IGFL2: variants seen among roughly 807,000 people sequenced by gnomAD.
The protein encoded by IGFL2 is insulin growth factor-like family member 2.
In IGFL2, 7 loss-of-function variants were observed where a neutral mutation model predicts 13.9. That is an observed-to-expected ratio of 0.51 (90% CI 0.29 to 0.95). The LOEUF (loss-of-function observed/expected upper bound fraction) is 0.95. IGFL2 is among the 40% of genes least tolerant of loss of function. The pLI is 0.08. For synonymous variants in IGFL2, 55 were observed against 55.8 expected (o/e 0.99, Z 0.07); for missense variants, 138 against 147.8 (o/e 0.93, Z 0.34).
the IGFL2 span, among the ~76,000 whole-genome samples, chr19:46,115,954 C>T: frequency 2.0e-5 from 3 of 152,086 alleles, no homozygotes; most frequent in East Asian, 1.9e-4. Context: ...CTTGCTCTGC[C>T]GCCTGTGTGA....
At chr19:46,091,477 T>C in the IGFL2 span, among the ~76,000 whole-genome samples, 2 of 152,256 alleles carry the variant, frequency 1.3e-5, no homozygotes, top group Non-Finnish European at 2.9e-5. Flanking sequence ...ATACAAATTA[T>C]TCTGTTAGAA....
chr19:46,118,808 C>T, the IGFL2 span, among the ~76,000 whole-genome samples: 1 of 152,162 alleles, frequency 6.6e-6, no homozygotes, highest in Non-Finnish European at 1.5e-5. Flanking sequence ...CCCATAGCTT[C>T]TTGCCCATGC....
the IGFL2 span, among the ~76,000 whole-genome samples, chr19:46,118,581 G>T: frequency 2.0e-5 from 3 of 152,196 alleles, no homozygotes; most frequent in African/African-American, 7.2e-5. Context: ...TCCAGAAAGG[G>T]AACCCCCACA....
At chr19:46,184,259 TTTTTC>T in the IGFL2 span, among the ~76,000 whole-genome samples, 2 of 84,376 alleles carry the variant, frequency 2.4e-5, no homozygotes, top group Non-Finnish European at 6.9e-5. Context: ...ACTGCTTTCC[TTTTTC>T]TTTTTTTTTT....
At chr19:46,179,424 G>C in the IGFL2 span, 1 of 154,130 alleles carries the variant, frequency 6.5e-6, no homozygotes, top group Non-Finnish European at 1.4e-5. Context: ...TGAGAGGCAG[G>C]GGTTTGCAGG....
downstream of IGFL2, chr19:46,164,501 ACAT>A (rs1197391588): frequency 6.6e-6 from 1 of 152,234 alleles, no homozygotes; most frequent in Non-Finnish European, 1.5e-5. Context: ...CAGCTGGAGA[ACAT>A]CAGCAGGGGT....
chr19:46,188,392 C>T, the IGFL2 span, among the ~76,000 whole-genome samples: 18 of 152,228 alleles, frequency 1.2e-4, no homozygotes, highest in South Asian at 3.1e-3. Flanking sequence ...CCCCAGCCAC[C>T]GTGACGCTCA....
chr19:46,156,623 T>G (rs1354624950), intron 1 of IGFL2, among the ~76,000 whole-genome samples: 1 of 152,148 alleles, frequency 6.6e-6, no homozygotes, highest in African/African-American at 2.4e-5. Context: ...ATATCAAAAT[T>G]TATGGAACAT....
the IGFL2 span, among the ~76,000 whole-genome samples, chr19:46,095,092 G>A: frequency 1.3e-5 from 2 of 152,166 alleles, no homozygotes; most frequent in African/African-American, 4.8e-5. Flanking sequence ...CTTGATCCTT[G>A]AGGAATTGCC....
At chr19:46,208,316 C>T in the IGFL2 span, 3 of 152,254 alleles carry the variant, frequency 2.0e-5, no homozygotes, top group Admixed American at 2.0e-4. Flanking sequence ...TCTCCCATGC[C>T]TGCCCCACTT....
the IGFL2 span, among the ~76,000 whole-genome samples, chr19:46,167,415 G>A: frequency 6.6e-6 from 1 of 152,138 alleles, no homozygotes; most frequent in African/African-American, 2.4e-5. Flanking sequence ...AGACTATATA[G>A]GACCTTTGCC....
chr19:46,139,520 T>G (rs1264480251), upstream of IGFL2, among the ~76,000 whole-genome samples: 1 of 152,066 alleles, frequency 6.6e-6, no homozygotes, highest in Admixed American at 6.5e-5. Flanking sequence ...AGAAAATTAC[T>G]GTAGCTAAGT....
At chr19:46,137,186 A>G in the IGFL2 span, 1 of 1,596,180 alleles carries the variant, frequency 6.3e-7, no homozygotes, top group Non-Finnish European at 8.6e-7. Context: ...GCCCATCACA[A>G]ACTTCACAGA....
the IGFL2 span, among the ~76,000 whole-genome samples, chr19:46,179,199 G>A: frequency 2.7e-5 from 4 of 149,900 alleles, no homozygotes; most frequent in Non-Finnish European, 5.9e-5. Flanking sequence ...GGACTGCAGG[G>A]TGAGCTCTGA....
chr19:46,160,266 A>T (rs1021655420), intron 1 of IGFL2, 149 bp from the exon 2 acceptor site: 1 of 674,022 alleles, frequency 1.5e-6, no homozygotes, highest in African/African-American at 1.8e-5. Context: ...TAACTGTGTC[A>T]GTTAGATCCT....
At chr19:46,126,998 T>A in the IGFL2 span, among the ~76,000 whole-genome samples, 31 of 152,130 alleles carry the variant, frequency 2.0e-4, no homozygotes, top group Non-Finnish European at 4.0e-4. Flanking sequence ...TTTATGAGGA[T>A]CAGATGAAGA....
At chr19:46,182,704 C>A in the IGFL2 span, among the ~76,000 whole-genome samples, 2 of 152,234 alleles carry the variant, frequency 1.3e-5, no homozygotes, top group East Asian at 1.9e-4. Flanking sequence ...GTCAGATCGT[C>A]CCTTTTCATT....
At chr19:46,184,937 G>C in the IGFL2 span, among the ~76,000 whole-genome samples, 16 of 152,164 alleles carry the variant, frequency 1.1e-4, no homozygotes, top group East Asian at 1.5e-3. Context: ...AATGATTGCC[G>C]TTCTAGCTGG....
the IGFL2 span, chr19:46,137,431 G>A: frequency 9.8e-7 from 1 of 1,021,560 alleles, no homozygotes; most frequent in East Asian, 2.4e-5. Flanking sequence ...GATGGACATT[G>A]TAATGGTGCT....
Sources: gnomAD v4.1 joint callset for allele counts (sites outside exome capture counted in the v4.1 genomes callset) on GRCh38, gnomAD v4.1.1 for gene constraint, MANE v1.5 for transcripts, NCBI Gene and HGNC (gene_info 2026-07-23, HGNC 2026-07-21) for gene names.